PARP1: variants seen among roughly 807,000 people sequenced by gnomAD.
PARP1 encodes the protein poly [ADP-ribose] polymerase 1.
PARP1 carries 44 observed loss-of-function variants against 118.7 expected under a neutral mutation model. That is an observed-to-expected ratio of 0.37 (90% CI 0.29 to 0.48). The LOEUF (loss-of-function observed/expected upper bound fraction) is 0.48, where lower values mean the gene tolerates loss of function less well. Among genes scored for constraint, PARP1 ranks in the 20% least tolerant of loss-of-function variants. The probability of loss-of-function intolerance (pLI) is 0.99; values close to 1 mark genes in which losing one functional copy is unlikely to be tolerated. For missense variants in PARP1, 1,100 were observed against 1,272.4 expected, an observed-to-expected ratio of 0.86 and a Z score of 2.06; for synonymous variants, 492 against 483.2, an observed-to-expected ratio of 1.02 and a Z score of -0.24.
chr1:226,401,004 T>C (rs1486450813), intron 2 of PARP1, among the ~76,000 whole-genome samples: 1 of 152,146 alleles, frequency 6.6e-6, no homozygotes, highest in African/African-American at 2.4e-5. Context: ...TCTCTCTTGC[T>C]GCCCTAGGAT....
chr1:226,377,733 G>C (rs1054324705), intron 12 of PARP1, among the ~76,000 whole-genome samples: 9 of 152,224 alleles, frequency 5.9e-5, no homozygotes, highest in African/African-American at 2.2e-4. Context: ...GATGAAATGA[G>C]GGGGGCAGTG....
Position 226,365,122 on chromosome 1 carries a change from C to T in PARP1, c.2538G>A (p.Gln846=). ...IFKIEREGEC[Q]RYKPFKQLHN... Reference sequence around the variant, plus strand: ...GAAGCTGCTTAAAGGGCTTGTAACGCTGGCATTCGCCTTCACGCTCTATCT... The same window carrying T: ...GAAGCTGCTTAAAGGGCTTGTAACGTTGGCATTCGCCTTCACGCTCTATCT... The change falls in exon 19 of 23, where the codon CAG becomes CAA. Residue 846 remains glutamine (Q), a synonymous_variant. Transcript: ENST00000366794. 2 of 1,614,258 alleles carry T rather than the reference C, an allele frequency of 1.2e-6. No individual in the cohort carries two copies. Among genetic ancestry groups the T allele is most frequent in the Non-Finnish European group, 1.7e-6 (2 of 1,180,044 alleles).
At chr1:226,406,727 G>T (rs1289006316) in intron 1 of PARP1, among the ~76,000 whole-genome samples, 1 of 152,156 alleles carries the variant, frequency 6.6e-6, no homozygotes, top group Admixed American at 6.5e-5. Context: ...TGTGTGCCAC[G>T]TACTGACTTA....
In PARP1 at chr1:226,402,282, C is replaced by A. The variant is rs2102747162; in HGVS notation, c.218G>T (p.Gly73Val). 1 of 1,614,184 alleles carries A rather than the reference C, an allele frequency of 6.2e-7. No individual in the cohort carries two copies. The highest frequency in any genetic ancestry group is 1.1e-5 in the South Asian group (1 of 91,088). Reference sequence around the variant, plus strand: ...GTCATCCCACCGAAGCTCAGAGAACCCATCCACCTCAACGTCAGGGTGCCG... The same window carrying A: ...GTCATCCCACCGAAGCTCAGAGAACACATCCACCTCAACGTCAGGGTGCCG... ...SIRHPDVEVD[G>V]FSELRWDDQQ... Residue 73 changes from glycine to valine, a missense_variant, in exon 2 of 23, where the codon GGG becomes GTG. By Grantham distance (109) the Gly-to-Val change is moderately radical. Around this residue, in one of 2 missense-constraint regions of PARP1, gnomAD observed 948 missense variants for 1,031.8 expected, o/e 0.92. Transcript: ENST00000366794.
At position 226,365,004 on chromosome 1, in the gene PARP1, C is replaced by T. The variant is rs776746526; in HGVS notation, c.2656G>A (p.Val886Met). 41 of 1,613,816 alleles carry T rather than the reference C, an allele frequency of 2.5e-5. No homozygotes were observed. Among genetic ancestry groups the T allele is most frequent in the African/African-American group, 9.3e-5 (7 of 75,068 alleles). The change falls in exon 19 of 23, where the codon GTG (valine) becomes ATG (methionine). Residue 886 changes from valine to methionine, a missense_variant and splice_region_variant. Transcript: ENST00000366794. ...CCCTCGCCAGGCCAGGCACATACCACGGGCGCTTCAGGCGGGGCTATCCGA... is the reference window on the plus strand; with the variant it reads ...CCCTCGCCAGGCCAGGCACATACCATGGGCGCTTCAGGCGGGGCTATCCGA... Reference protein sequence around the residue: ...GLRIAPPEAPVTGYMFGKGIY... With the variant: ...GLRIAPPEAPMTGYMFGKGIY...
At chr1:226,380,403 T>C (rs922924133) in intron 9 of PARP1, among the ~76,000 whole-genome samples, 3 of 152,090 alleles carry the variant, frequency 2.0e-5, no homozygotes, top group Non-Finnish European at 4.4e-5. Flanking sequence ...TAACAAACAC[T>C]CCAAAGAAAA....
chr1:226,369,041 T>C (rs1664326511), intron 15 of PARP1, among the ~76,000 whole-genome samples: 1 of 152,244 alleles, frequency 6.6e-6, no homozygotes, highest in African/African-American at 2.4e-5. Context: ...CTTCACCAAG[T>C]TGTACAACTT....
chr1:226,401,054 C>T (rs1200197068), intron 2 of PARP1, among the ~76,000 whole-genome samples: 3 of 152,216 alleles, frequency 2.0e-5, no homozygotes, highest in Non-Finnish European at 4.4e-5. Flanking sequence ...TTGCTTTCTG[C>T]TCTGCTATGT....
At chr1:226,361,802 C>A in intron 22 of PARP1, 167 bp downstream of exon 22, 1 of 687,590 alleles carries the variant, frequency 1.5e-6, no homozygotes, top group South Asian at 1.6e-5. Context: ...ACCCTGTAAG[C>A]CAGGCTATGC....
In PARP1 at chr1:226,408,057, C is replaced by G. The variant is rs951014227; in HGVS notation, c.-128G>C. ...GAGCGGCCAGAGCCGCCACCGAACA[C>G]GCCGCACCGGCCACCGCCGTTCCCT... On this transcript the variant is annotated 5_prime_UTR_variant, in exon 1 of 23. Transcript: ENST00000366794. 2 of 1,358,882 alleles carry G rather than the reference C, an allele frequency of 1.5e-6. No homozygotes were observed. Among genetic ancestry groups the G allele is most frequent in the African/African-American group, 2.9e-5 (2 of 69,822 alleles). 84.2% of individuals were successfully genotyped at this position (1,358,882 alleles called of 1,614,324 possible). A position where few individuals can be genotyped will look rare whatever the true frequency, so the allele number is the denominator to read the frequency against.
In PARP1 at chr1:226,385,496, C is replaced by A. The variant is rs756602249; in HGVS notation, c.1011+8G>T. On this transcript the variant is annotated splice_region_variant and intron_variant, in intron 7 of 22. Transcript: ENST00000366794. ...CAACAGATCCCAGGATCTTCCCCTA[C>A]CCCTTACCTTTGGGGTTACCCACTC... 1.2e-6 allele frequency: 2 copies of A among 1,613,348 alleles called. No homozygotes were observed. Among genetic ancestry groups the A allele is most frequent in the African/African-American group, 1.3e-5 (1 of 74,906 alleles).
chr1:226,379,456 G>A, intron 11 of PARP1, 117 bp downstream of exon 11: 1 of 1,132,332 alleles, frequency 8.8e-7, no homozygotes, highest in Non-Finnish European at 1.3e-6. Flanking sequence ...CCTGAGTGAG[G>A]ACAAAGGCAC....
chr1:226,391,802 A>C (rs915719517), intron 3 of PARP1, among the ~76,000 whole-genome samples: 3 of 152,186 alleles, frequency 2.0e-5, no homozygotes, highest in Non-Finnish European at 2.9e-5. Flanking sequence ...CAAGGGCTAG[A>C]ACTGGTGGGA....
Position 226,361,459 on chromosome 1 carries a change from A to T in PARP1, c.*1T>A, listed in dbSNP as rs374503866. 6.2e-7 allele frequency: 1 copy of T among 1,602,206 alleles called. No homozygotes were observed. The highest frequency in any genetic ancestry group is 2.2e-5 in the East Asian group (1 of 44,820). ...GGGTGTGACTCGGCTACCTCTCCCA[A>T]TTACCACAGGGAGGTCTTAAAATTG... On this transcript the variant is annotated 3_prime_UTR_variant, in exon 23 of 23. Transcript: ENST00000366794.
In PARP1 at chr1:226,361,228, G is replaced by T. The variant is rs897614629; in HGVS notation, c.*232C>A. On this transcript the variant is annotated 3_prime_UTR_variant, in exon 23 of 23. Transcript: ENST00000366794. ...TCTCTATGTCAGTTTTATCTACCTGGCAAGAAAAAACAAAAACAACCCCAA... is the reference window on the plus strand; with the variant it reads ...TCTCTATGTCAGTTTTATCTACCTGTCAAGAAAAAACAAAAACAACCCCAA... 1 of 586,382 alleles carries T rather than the reference G, an allele frequency of 1.7e-6. No individual in the cohort carries two copies. The highest frequency in any genetic ancestry group is 4.6e-4 in the Middle Eastern group (1 of 2,158). 36.3% of individuals were successfully genotyped at this position (586,382 alleles called of 1,614,324 possible).
intron 4 of PARP1, among the ~76,000 whole-genome samples, 157 bp from the exon 5 acceptor site, chr1:226,388,912 T>G (rs1664771037): frequency 6.6e-6 from 1 of 152,100 alleles, no homozygotes; most frequent in African/African-American, 2.4e-5. Flanking sequence ...TCAGTGCCCT[T>G]AGGCGATCAC....
chr1:226,399,777 T>A (rs1231875855), intron 2 of PARP1, among the ~76,000 whole-genome samples: 1 of 152,156 alleles, frequency 6.6e-6, no homozygotes, highest in African/African-American at 2.4e-5. Context: ...ACCACTCTGG[T>A]GGCGATGTTG....
At chr1:226,386,292 C>A (rs1174735210) in intron 6 of PARP1, 34 bp downstream of exon 6, 4 of 1,330,790 alleles carry the variant, frequency 3.0e-6, no homozygotes, top group Non-Finnish European at 4.3e-6. Context: ...GTCGGCCTCA[C>A]ATGCGTGTCC....
intron 17 of PARP1, chr1:226,366,484 G>C: frequency 4.5e-6 from 1 of 224,438 alleles, no homozygotes; most frequent in Non-Finnish European, 9.0e-6. Flanking sequence ...CAGAGCACAG[G>C]CCTAACAAGC....
Sources: allele counts gnomAD v4.1 joint callset (sites outside exome capture counted in the v4.1 genomes callset), GRCh38; gene constraint gnomAD v4.1.1; regional missense constraint gnomAD v4.1.1; transcripts MANE v1.5; gene names NCBI Gene and HGNC (gene_info 2026-07-23, HGNC 2026-07-21).